The following NKAIN2 variants were observed in gnomAD, a reference collection of about 807,000 sequenced individuals.
NKAIN2 encodes the protein sodium/potassium transporting ATPase interacting 2.
NKAIN2 carries 14 observed loss-of-function variants against 32.6 expected under a neutral mutation model. The ratio of observed to expected loss-of-function variants is 0.43; its 90% CI spans 0.28 to 0.67. NKAIN2 has a LOEUF of 0.67. Among genes scored for constraint, NKAIN2 ranks in the 30% least tolerant of loss-of-function variants. The probability of loss-of-function intolerance (pLI) is 0.17; values close to 1 mark genes in which losing one functional copy is unlikely to be tolerated. For synonymous variants in NKAIN2, 80 were observed against 87.2 expected (o/e 0.92, Z 0.46); for missense variants, 198 against 258.3 (o/e 0.77, Z 1.60).
chr6:124,767,139 C>T (rs1304567425), intron 4 of NKAIN2, among the ~76,000 whole-genome samples: 1 of 152,012 alleles, frequency 6.6e-6, no homozygotes, highest in Non-Finnish European at 1.5e-5. Context: ...CGTGATCTGC[C>T]CACCTTGGCC....
intron 1 of NKAIN2, among the ~76,000 whole-genome samples, chr6:124,249,600 T>G (rs1793594560): frequency 6.6e-6 from 1 of 151,408 alleles, no homozygotes; most frequent in Admixed American, 6.6e-5. Flanking sequence ...TCTAAAAATC[T>G]GTTTAAATGC....
intron 1 of NKAIN2, among the ~76,000 whole-genome samples, chr6:123,919,668 G>T (rs967846552): frequency 1.3e-5 from 2 of 152,084 alleles, no homozygotes; most frequent in Non-Finnish European, 2.9e-5. Flanking sequence ...TATAGTTTGA[G>T]TGGATTCCAT....
chr6:124,171,800 C>A (rs2114503724), intron 1 of NKAIN2, among the ~76,000 whole-genome samples: 1 of 150,940 alleles, frequency 6.6e-6, no homozygotes, highest in East Asian at 2.0e-4. Flanking sequence ...AATCCGCCTG[C>A]CTTGGCCTCC....
intron 1 of NKAIN2, among the ~76,000 whole-genome samples, chr6:123,998,686 C>T (rs945765701): frequency 2.0e-5 from 3 of 151,040 alleles, no homozygotes; most frequent in Admixed American, 6.6e-5. Context: ...ATGGAAACAC[C>T]CTAACTGTCC....
At chr6:124,362,987 A>G (rs1034642817) in intron 3 of NKAIN2, among the ~76,000 whole-genome samples, 1 of 151,996 alleles carries the variant, frequency 6.6e-6, no homozygotes, top group Non-Finnish European at 1.5e-5. Context: ...TATGCGTGCC[A>G]CCACACTAGG....
intron 4 of NKAIN2, among the ~76,000 whole-genome samples, chr6:124,784,292 G>A (rs190398377): frequency 1.4e-4 from 21 of 152,000 alleles, no homozygotes; most frequent in East Asian, 9.7e-4. Context: ...TTCACTTTTC[G>A]GATCTGGGTA....
At chr6:124,440,415 T>C (rs538512544) in intron 3 of NKAIN2, among the ~76,000 whole-genome samples, 1 of 152,208 alleles carries the variant, frequency 6.6e-6, no homozygotes, top group African/African-American at 2.4e-5. Flanking sequence ...TAGTCCTGAA[T>C]TTCCTTCACC....
chr6:123,885,202 C>T (rs936171145), intron 1 of NKAIN2, among the ~76,000 whole-genome samples: 7 of 152,194 alleles, frequency 4.6e-5, no homozygotes, highest in Non-Finnish European at 7.4e-5. Flanking sequence ...TGTCTTCTTT[C>T]TGAACAATGT....
chr6:124,163,754 T>C (rs1339928894), intron 1 of NKAIN2, among the ~76,000 whole-genome samples: 1 of 151,934 alleles, frequency 6.6e-6, no homozygotes, highest in African/African-American at 2.4e-5. Flanking sequence ...ATTAAAGGAA[T>C]GAAAAGTGGA....
At chr6:124,463,726 A>T (rs76715715) in intron 3 of NKAIN2, among the ~76,000 whole-genome samples, 16,334 of 152,096 alleles carry the variant, frequency 0.11, 2,870 homozygotes, top group African/African-American at 0.37. Context: ...AACTATAAAG[A>T]TATACACATG....
chr6:124,490,290 G>T, intron 3 of NKAIN2: 1 of 400,200 alleles, frequency 2.5e-6, no homozygotes, highest in Non-Finnish European at 4.8e-6. Context: ...AGAATGTCAG[G>T]ATGTCATCAC....
intron 2 of NKAIN2, among the ~76,000 whole-genome samples, chr6:124,302,704 T>C (rs1405794715): frequency 6.6e-6 from 1 of 152,162 alleles, no homozygotes; most frequent in Non-Finnish European, 1.5e-5. Flanking sequence ...TAAAATATTA[T>C]CTTCAAAGGG....
chr6:124,436,440 C>A (rs750637730), intron 3 of NKAIN2, among the ~76,000 whole-genome samples: 1 of 152,056 alleles, frequency 6.6e-6, no homozygotes, highest in Non-Finnish European at 1.5e-5. Context: ...GATTCATGAA[C>A]TTAAGAACTG....
chr6:124,579,227 G>A (rs1371784810), intron 3 of NKAIN2, among the ~76,000 whole-genome samples: 1 of 152,128 alleles, frequency 6.6e-6, no homozygotes, highest in Non-Finnish European at 1.5e-5. Context: ...CATGACCATC[G>A]AGGAAAACAG....
chr6:124,485,454 T>C (rs996364199), intron 3 of NKAIN2, among the ~76,000 whole-genome samples: 2 of 152,096 alleles, frequency 1.3e-5, no homozygotes, highest in Non-Finnish European at 2.9e-5. Flanking sequence ...TACCATGAGC[T>C]GCTAAAGAGA....
intron 4 of NKAIN2, among the ~76,000 whole-genome samples, chr6:124,747,324 C>G (rs1334444996): frequency 1.3e-5 from 2 of 151,806 alleles, no homozygotes; most frequent in Admixed American, 6.6e-5. Flanking sequence ...TTTATTGAGC[C>G]ATTTTCAGAG....
At chr6:124,355,772 TG>T (rs1798942668) in intron 3 of NKAIN2, among the ~76,000 whole-genome samples, 1 of 152,124 alleles carries the variant, frequency 6.6e-6, no homozygotes, top group African/African-American at 2.4e-5. Flanking sequence ...TGAATGAAAT[TG>T]TTACTAGAGG....
At chr6:124,491,322 C>G (rs1453942187) in intron 3 of NKAIN2, among the ~76,000 whole-genome samples, 4 of 151,858 alleles carry the variant, frequency 2.6e-5, no homozygotes, top group Non-Finnish European at 5.9e-5. Flanking sequence ...TCTTTAATCT[C>G]TAAGTTCTTT....
At chr6:124,539,751 C>T (rs1348440502) in intron 3 of NKAIN2, among the ~76,000 whole-genome samples, 3 of 152,090 alleles carry the variant, frequency 2.0e-5, no homozygotes, top group African/African-American at 7.2e-5. Flanking sequence ...GACAGAGTCT[C>T]GCTTTGTTGC....
Sources: gnomAD v4.1 joint callset for allele counts (sites outside exome capture counted in the v4.1 genomes callset) on GRCh38, gnomAD v4.1.1 for gene constraint, MANE v1.5 for transcripts, NCBI Gene and HGNC (gene_info 2026-07-23, HGNC 2026-07-21) for gene names.